The following ZNF71 variants were observed in gnomAD, a reference collection of about 807,000 sequenced individuals.
ZNF71 encodes the protein zinc finger protein 71, also known as endothelial zinc finger protein induced by tumor necrosis factor alpha.
A neutral mutation model predicts 6.7 loss-of-function variants in ZNF71; 3 were observed. The observed-to-expected ratio is 0.45, with a 90% CI of 0.20 to 1.16. ZNF71 has a LOEUF of 1.16. Among genes scored for constraint, ZNF71 ranks in the 50% most tolerant of loss-of-function variants. The pLI is 0.25. For missense variants in ZNF71, 688 were observed against 728.6 expected (o/e 0.94, Z 0.64); for synonymous variants, 343 against 311.1 (o/e 1.10, Z -1.08).
chr19:56,605,912 G>A (rs1302130143), intron 2 of ZNF71, among the ~76,000 whole-genome samples: 1 of 152,208 alleles, frequency 6.6e-6, no homozygotes, highest in East Asian at 1.9e-4. Flanking sequence ...ATTATACATG[G>A]ATGAGGCCAT....
chr19:56,608,030 A>G (rs1051319926), intron 2 of ZNF71, among the ~76,000 whole-genome samples: 1 of 152,216 alleles, frequency 6.6e-6, no homozygotes, highest in African/African-American at 2.4e-5. Flanking sequence ...TGAGTAATCC[A>G]AGGGAAAAAG....
In ZNF71 at chr19:56,621,917, C is replaced by T. The variant is rs879176975; in HGVS notation, c.810C>T (p.Gly270=). The change falls in exon 4 of 4, where the codon GGC becomes GGT. Residue 270 remains glycine, a synonymous_variant. Transcript: ENST00000599599. ...NLTVHQRTHT[G]EKPYVCDVCG... ...CTGTGCACCAGCGCACGCACACGGG[C>T]GAGAAGCCGTATGTGTGCGACGTGT... 1 of 1,600,476 alleles carries T rather than the reference C, an allele frequency of 6.2e-7. No homozygotes were observed. The highest frequency in any genetic ancestry group is 1.1e-5 in the South Asian group (1 of 90,278).
At position 56,613,994 on chromosome 19, in the gene ZNF71, A is replaced by G. The variant is rs2044771317; in HGVS notation, c.160+56A>G. On this transcript the variant is annotated intron_variant, in intron 3 of 3. Coordinates refer to ENST00000599599, the MANE Select transcript of ZNF71 (RefSeq NM_001370215.1). This position sits in a 1 kb window ranked among gnomAD's most constrained non-coding sequence, Gnocchi z 4.6. ...ATTGGCCCATAACTTCAGGACCACA[A>G]ATAAATTAAAAAAAAAAAAAGATCA... 6 of 1,037,128 alleles carry G rather than the reference A, an allele frequency of 5.8e-6. No individual in the cohort carries two copies. Among genetic ancestry groups the G allele is most frequent in the African/African-American group, 3.5e-5 (2 of 57,220 alleles). 64.2% of individuals were successfully genotyped at this position (1,037,128 alleles called of 1,614,324 possible).
At chr19:56,617,115 T>TTG (rs1555776027) in intron 3 of ZNF71, among the ~76,000 whole-genome samples, 1 of 146,528 alleles carries the variant, frequency 6.8e-6, no homozygotes, top group Non-Finnish European at 1.5e-5. Flanking sequence ...TTCTTTTGTT[T>TTG]TTTTTTGTTT....
chr19:56,599,351 T>A (rs2044649422), intron 1 of ZNF71, among the ~76,000 whole-genome samples: 1 of 152,092 alleles, frequency 6.6e-6, no homozygotes, highest in African/African-American at 2.4e-5. Flanking sequence ...GTTTTTAATT[T>A]AAATCAACTT....
intron 3 of ZNF71, 55 bp from the exon 4 acceptor site, chr19:56,621,213 A>C: frequency 6.7e-7 from 1 of 1,490,350 alleles, no homozygotes; most frequent in Non-Finnish European, 8.9e-7. Flanking sequence ...GAGCTTCCTC[A>C]CTCCCAGCAT....
rs532996244 is a variant in ZNF71 at position 56,618,932 on chromosome 19, G to A, written c.161-2336G>A. ...GGACGCATTGCAGGGGTGAGAATGG[G>A]GTGGGGAGGACAGAGAGGAGCTGCT... On this transcript the variant is annotated intron_variant, in intron 3 of 3. Transcript: ENST00000599599. The surrounding 1 kb of genome is among the most constrained non-coding windows in gnomAD (Gnocchi z 4.6). Among the ~76,000 whole-genome samples, 2 of 152,246 alleles carry A rather than the reference G, an allele frequency of 1.3e-5. No individual in the cohort carries two copies. The highest frequency in any genetic ancestry group is 1.9e-4 in the East Asian group (1 of 5,162).
In ZNF71 at chr19:56,602,725, T is replaced by A. The variant is rs376065175; in HGVS notation, c.33+1134T>A. Among the ~76,000 whole-genome samples, 4 of 152,262 alleles carry A rather than the reference T, an allele frequency of 2.6e-5. No individual in the cohort carries two copies. In the East Asian group the frequency reaches 7.7e-4, roughly 29 times the overall value. The stretch of plus-strand genomic sequence containing the variant: ...GAATCTGAGTATGCTTTAAAGACTT[T>A]ACAGAAGCAAATGTGTGTGTGTAAA... On this transcript the variant is annotated intron_variant, in intron 2 of 3. Transcript: ENST00000599599.
At position 56,622,814 on chromosome 19, in the gene ZNF71, G is replaced by A; in HGVS notation, c.*57G>A. 2 of 1,539,904 alleles carry A rather than the reference G, an allele frequency of 1.3e-6. No individual in the cohort carries two copies. The highest frequency in any genetic ancestry group is 1.8e-6 in the Non-Finnish European group (2 of 1,141,500). Reference sequence around the variant, plus strand: ...CCCAGGACGGACGCCAGATGGCTGCGCGCTTTGTCAGCAGTGCTGTGAGAA... The same window carrying A: ...CCCAGGACGGACGCCAGATGGCTGCACGCTTTGTCAGCAGTGCTGTGAGAA... On this transcript the variant is annotated 3_prime_UTR_variant, in exon 4 of 4. Transcript: ENST00000599599.
intron 1 of ZNF71, among the ~76,000 whole-genome samples, chr19:56,596,873 G>T (rs1480819195): frequency 6.6e-6 from 1 of 152,008 alleles, no homozygotes; most frequent in Non-Finnish European, 1.5e-5. Flanking sequence ...GGGAATCCCC[G>T]CTTGGAAACA....
At position 56,622,817 on chromosome 19, in the gene ZNF71, C is replaced by T; in HGVS notation, c.*60C>T. On this transcript the variant is annotated 3_prime_UTR_variant, in exon 4 of 4. Coordinates refer to ENST00000599599, the MANE Select transcript of ZNF71 (RefSeq NM_001370215.1). ...AGGACGGACGCCAGATGGCTGCGCG[C>T]TTTGTCAGCAGTGCTGTGAGAAGTT... The T allele has an allele frequency of 3.9e-6, 6 of 1,537,898 alleles. No homozygotes were observed. Among genetic ancestry groups the T allele is most frequent in the Non-Finnish European group, 5.3e-6 (6 of 1,140,396 alleles).
chr19:56,621,908 GCA>G lies in ZNF71; in HGVS notation c.805_806del (p.Thr269GlyfsTer332). The G allele has an allele frequency of 6.2e-7, 1 of 1,612,492 alleles. No homozygotes were observed. The highest frequency in any genetic ancestry group is 1.1e-5 in the South Asian group (1 of 90,986). ...TGAACCTCACTGTGCACCAGCGCACGCACACGGGCGAGAAGCCGTATGTGTGC... is the reference window on the plus strand; with the variant it reads ...TGAACCTCACTGTGCACCAGCGCACGCACGGGCGAGAAGCCGTATGTGTGC... ...RMNLTVHQRT[H>X]TGEKPYVCDV... On this transcript the variant is annotated frameshift_variant, in exon 4 of 4. Transcript: ENST00000599599. LOFTEE classifies it low-confidence loss of function (END_TRUNC).
Position 56,603,766 on chromosome 19 carries a change from T to A in ZNF71, c.33+2175T>A, listed in dbSNP as rs953767262. ...TTGATTGTTTTTATTTCAACAGGGT[T>A]GGGAGTTTTGGTTTAAGTTTTTTTT... is the stretch of plus-strand genomic sequence containing the variant. On this transcript the variant is annotated intron_variant, in intron 2 of 3. Coordinates refer to ENST00000599599, the MANE Select transcript of ZNF71 (RefSeq NM_001370215.1). The surrounding 1 kb of genome is among the most constrained non-coding windows in gnomAD (Gnocchi z 4.6). 1.3e-5 allele frequency among the ~76,000 whole-genome samples: 2 copies of A among 150,262 alleles called. No individual in the cohort carries two copies. Among genetic ancestry groups the A allele is most frequent in the Non-Finnish European group, 2.9e-5 (2 of 67,910 alleles).
At chr19:56,611,849 G>A (rs990950030) in intron 2 of ZNF71, among the ~76,000 whole-genome samples, 2 of 152,188 alleles carry the variant, frequency 1.3e-5, no homozygotes, top group African/African-American at 4.8e-5. Flanking sequence ...AGGCTCAAGG[G>A]AAGGCTCTGT....
In ZNF71 at chr19:56,622,032, A is replaced by G; in HGVS notation, c.925A>G (p.Lys309Glu). ...EKPYACGDCG[K>E]AFSQNMHLIV... is the part of the protein sequence containing the mutation. ...GCCCTACGCGTGCGGGGACTGCGGC[A>G]AGGCCTTCAGCCAGAACATGCACCT... The change falls in exon 4 of 4, where the codon AAG becomes GAG. Residue 309 changes from lysine to glutamate, a missense_variant. Transcript: ENST00000599599. 1 of 1,613,648 alleles carries G rather than the reference A, an allele frequency of 6.2e-7. No individual in the cohort carries two copies. Among genetic ancestry groups the G allele is most frequent in the Non-Finnish European group, 8.5e-7 (1 of 1,179,736 alleles).
Position 56,621,877 on chromosome 19 carries a change from A to T in ZNF71, c.770A>T (p.Gln257Leu). 6.2e-7 allele frequency: 1 copy of T among 1,611,994 alleles called. No homozygotes were observed. ...ACGDCGKAFSQRMNLTVHQRT... is the reference protein window; with the variant it reads ...ACGDCGKAFSLRMNLTVHQRT... ...GGGGACTGCGGCAAGGCCTTCAGCCAGCGCATGAACCTCACTGTGCACCAG... is the reference window on the plus strand; with the variant it reads ...GGGGACTGCGGCAAGGCCTTCAGCCTGCGCATGAACCTCACTGTGCACCAG... The change falls in exon 4 of 4, where the codon CAG becomes CTG. Residue 257 changes from glutamine (Q) to leucine (L), a missense_variant. Gln to Leu is a moderately radical substitution (Grantham distance 113). Coordinates refer to ENST00000599599, the MANE Select transcript of ZNF71 (RefSeq NM_001370215.1).
intron 2 of ZNF71, among the ~76,000 whole-genome samples, chr19:56,604,620 AAC>A (rs1325081377): frequency 1.3e-5 from 2 of 152,182 alleles, no homozygotes; most frequent in African/African-American, 2.4e-5. Flanking sequence ...TGTCCAAGGA[AAC>A]ACAGCTCATG....
chr19:56,613,992 C>T lies in ZNF71; in HGVS notation c.160+54C>T, dbSNP rs868099994. On this transcript the variant is annotated intron_variant, in intron 3 of 3. Coordinates refer to ENST00000599599, the MANE Select transcript of ZNF71 (RefSeq NM_001370215.1). This position sits in a 1 kb window ranked among gnomAD's most constrained non-coding sequence, Gnocchi z 4.6. ...TCATTGGCCCATAACTTCAGGACCA[C>T]AAATAAATTAAAAAAAAAAAAAGAT... 3 of 1,019,582 alleles carry T rather than the reference C, an allele frequency of 2.9e-6. No individual in the cohort carries two copies. The highest frequency in any genetic ancestry group is 3.6e-5 in the African/African-American group (2 of 55,428). 63.2% of individuals were successfully genotyped at this position (1,019,582 alleles called of 1,614,324 possible).
At chr19:56,621,198 C>G (rs2044842488) in intron 3 of ZNF71, 70 bp from the exon 4 acceptor site, 1 of 1,471,192 alleles carries the variant, frequency 6.8e-7, no homozygotes, top group Non-Finnish European at 9.1e-7. Context: ...CTCCTTCCTG[C>G]TGTGGAGCTT....
Sources: gnomAD v4.1 joint callset for allele counts (sites outside exome capture counted in the v4.1 genomes callset) on GRCh38, gnomAD v4.1.1 for gene constraint, Gnocchi (gnomAD v3.1) non-coding constraint, MANE v1.5 for transcripts, NCBI Gene and HGNC (gene_info 2026-07-23, HGNC 2026-07-21) for gene names.